Variants in ADD3 observed in about 807,000 individuals in gnomAD.
The protein encoded by ADD3 is adducin 3.
In ADD3, 25 loss-of-function variants were observed where a neutral mutation model predicts 80.2. The ratio of observed to expected loss-of-function variants is 0.31; its 90% confidence interval spans 0.23 to 0.44. The LOEUF (loss-of-function observed/expected upper bound fraction) is 0.44. Among genes scored for constraint, ADD3 ranks in the 20% least tolerant of loss-of-function variants. ADD3 has a pLI of 1.00. For synonymous variants in ADD3, 284 were observed against 289.6 expected (o/e 0.98, Z 0.20); for missense variants, 829 against 847.5 (o/e 0.98, Z 0.27).
chr10:110,059,193 C>T (rs1287087478), intron 1 of ADD3, among the ~76,000 whole-genome samples: 3 of 152,142 alleles, frequency 2.0e-5, no homozygotes, highest in Non-Finnish European at 2.9e-5. Context: ...CCATACAGGC[C>T]GGGTACAGTG....
At chr10:110,040,913 G>C (rs942346339) in intron 1 of ADD3, among the ~76,000 whole-genome samples, 7 of 150,606 alleles carry the variant, frequency 4.6e-5, no homozygotes, top group Non-Finnish European at 8.9e-5. Flanking sequence ...TTGCACGCAC[G>C]CGCTCTCTCT....
chr10:110,070,012 T>C (rs1844469898), intron 1 of ADD3, among the ~76,000 whole-genome samples: 2 of 152,248 alleles, frequency 1.3e-5, no homozygotes. Flanking sequence ...TAATCTGTGA[T>C]ACTTTTATTT....
chr10:110,042,118 T>C (rs886968728), intron 1 of ADD3, among the ~76,000 whole-genome samples: 1 of 152,222 alleles, frequency 6.6e-6, no homozygotes, highest in Non-Finnish European at 1.5e-5. Context: ...AACTTTGTGA[T>C]TAGATCTTTG....
intron 1 of ADD3, among the ~76,000 whole-genome samples, chr10:110,049,703 C>T (rs569031775): frequency 3.4e-4 from 52 of 152,184 alleles, no homozygotes; most frequent in African/African-American, 1.2e-3. Context: ...CTGGCTAACA[C>T]GGTGAAACCC....
intron 1 of ADD3, among the ~76,000 whole-genome samples, chr10:110,068,002 A>G (rs1185250140): frequency 2.0e-5 from 3 of 151,644 alleles, no homozygotes; most frequent in African/African-American, 7.3e-5. Flanking sequence ...TCCTTCCCCC[A>G]TTTACAGGAT....
intron 8 of ADD3, among the ~76,000 whole-genome samples, chr10:110,121,497 A>G (rs1851493926): frequency 6.6e-6 from 1 of 152,194 alleles, no homozygotes; most frequent in Non-Finnish European, 1.5e-5. Flanking sequence ...TAAATAAATA[A>G]ATAAATAAAG....
At chr10:110,120,939 C>G (rs991257075) in intron 8 of ADD3, among the ~76,000 whole-genome samples, 3 of 151,886 alleles carry the variant, frequency 2.0e-5, no homozygotes, top group Non-Finnish European at 4.4e-5. Context: ...GGAAAACTGG[C>G]TAGCCATATG....
intron 10 of ADD3, among the ~76,000 whole-genome samples, chr10:110,125,430 GTTT>G (rs10571033): frequency 6.9e-6 from 1 of 145,468 alleles, no homozygotes; most frequent in African/African-American, 2.5e-5. Context: ...TATTTCTTAA[GTTT>G]TTTTTTTTTT....
intron 1 of ADD3, among the ~76,000 whole-genome samples, chr10:110,067,838 A>G (rs191324620): frequency 1.4e-3 from 213 of 152,288 alleles, no homozygotes; most frequent in African/African-American, 5.0e-3. Flanking sequence ...TCGCTTTTCT[A>G]AAACACCAAC....
intron 5 of ADD3, 87 bp from the exon 6 acceptor site, chr10:110,118,500 A>G: frequency 8.5e-7 from 1 of 1,172,696 alleles, no homozygotes; most frequent in South Asian, 1.3e-5. Flanking sequence ...CTTTTACAAA[A>G]AGGTTTGCTA....
At chr10:110,069,642 G>A (rs556553525) in intron 1 of ADD3, among the ~76,000 whole-genome samples, 2 of 151,940 alleles carry the variant, frequency 1.3e-5, no homozygotes, top group East Asian at 3.9e-4. Flanking sequence ...GTATAATGTA[G>A]TGCCACCTTG....
chr10:110,033,780 C>T (rs1855324276), intron 1 of ADD3, among the ~76,000 whole-genome samples: 1 of 152,122 alleles, frequency 6.6e-6, no homozygotes, highest in African/African-American at 2.4e-5. Context: ...CTATACTCAG[C>T]TGCCTTTAAT....
intron 1 of ADD3, among the ~76,000 whole-genome samples, chr10:110,067,017 C>G (rs924438207): frequency 1.3e-5 from 2 of 152,286 alleles, no homozygotes; most frequent in East Asian, 1.9e-4. Context: ...GAACACGGGT[C>G]TAGGTGCACT....
chr10:110,042,448 T>G (rs1856475910), intron 1 of ADD3, among the ~76,000 whole-genome samples: 1 of 152,160 alleles, frequency 6.6e-6, no homozygotes, highest in Non-Finnish European at 1.5e-5. Flanking sequence ...CTCAAGTGAC[T>G]TAGAGGTGTC....
At chr10:110,100,892 A>G in intron 2 of ADD3, 44 bp downstream of exon 2, 1 of 1,514,622 alleles carries the variant, frequency 6.6e-7, no homozygotes, top group Non-Finnish European at 8.8e-7. Context: ...CTCTTTGGAA[A>G]TGTTAGTATA....
intron 1 of ADD3, among the ~76,000 whole-genome samples, chr10:110,054,912 C>A (rs1182504089): frequency 2.6e-5 from 4 of 152,126 alleles, no homozygotes; most frequent in African/African-American, 9.7e-5. Flanking sequence ...CCGCGCCTGG[C>A]CTCCATGCCT....
chr10:110,083,209 A>T (rs1256348960), intron 1 of ADD3, among the ~76,000 whole-genome samples: 1 of 152,248 alleles, frequency 6.6e-6, no homozygotes, highest in African/African-American at 2.4e-5. Flanking sequence ...TAGGAAAGTC[A>T]CCATGGAAGG....
At chr10:110,044,075 C>T (rs970590443) in intron 1 of ADD3, among the ~76,000 whole-genome samples, 39 of 152,224 alleles carry the variant, frequency 2.6e-4, no homozygotes, top group African/African-American at 8.9e-4. Flanking sequence ...TGGTGACACA[C>T]GCCTGTAGTC....
chr10:110,068,486 A>T (rs1345201777), intron 1 of ADD3, among the ~76,000 whole-genome samples: 1 of 152,232 alleles, frequency 6.6e-6, no homozygotes, highest in Non-Finnish European at 1.5e-5. Context: ...AGGAGGAAGT[A>T]CAAAGTTTTA....
Sources: allele counts gnomAD v4.1 joint callset (sites outside exome capture counted in the v4.1 genomes callset), GRCh38; gene constraint gnomAD v4.1.1; transcripts MANE v1.5; gene names NCBI Gene and HGNC (gene_info 2026-07-23, HGNC 2026-07-21).